FOXK2: variants seen among roughly 807,000 people sequenced by gnomAD.
The protein encoded by FOXK2 is forkhead box K2.
In FOXK2, 24 loss-of-function variants were observed where a neutral mutation model predicts 53.3. The observed-to-expected ratio is 0.45, with a 90% CI of 0.33 to 0.63. The LOEUF (loss-of-function observed/expected upper bound fraction) is 0.63, where lower values mean the gene tolerates loss of function less well. Among genes scored for constraint, FOXK2 ranks in the 30% least tolerant of loss-of-function variants. The pLI, the probability that FOXK2 is intolerant of heterozygous loss-of-function variation, is 0.03. For missense variants in FOXK2, 952 were observed against 910.5 expected, an observed-to-expected ratio of 1.05 and a Z score of -0.59; for synonymous variants, 505 against 407.1, an observed-to-expected ratio of 1.24 and a Z score of -2.89.
chr17:82,551,209 C>T lies in FOXK2; in HGVS notation c.420-12145C>T, dbSNP rs192836476. Among the ~76,000 whole-genome samples the T allele has an allele frequency of 7.3e-3, 1,114 of 151,742 alleles. 9 individuals carry two copies. Among genetic ancestry groups the T allele is most frequent in the African/African-American group, 0.026 (1,063 of 41,350 alleles). ...GCGGGCACCTGTAGTCCTAGCTACT[C>T]GGGAGGCTGAGGCAGGAGAATGGCG... On this transcript the variant is annotated intron_variant, in intron 1 of 8. Coordinates refer to ENST00000335255, the MANE Select transcript of FOXK2 (RefSeq NM_004514.4).
At position 82,583,126 on chromosome 17, in the gene FOXK2, C is replaced by T. The variant is rs942134449; in HGVS notation, c.1103+192C>T. On this transcript the variant is annotated intron_variant, in intron 5 of 8. Coordinates refer to ENST00000335255, the MANE Select transcript of FOXK2 (RefSeq NM_004514.4). The stretch of plus-strand genomic sequence containing the variant: ...GTTCTAGTGGCTGAAACATTTGAGA[C>T]GATTTGCAAAGTTTAAACTGCACTC... Among the ~76,000 whole-genome samples, 15 of 152,328 alleles carry T rather than the reference C, an allele frequency of 9.8e-5. No homozygotes were observed. In the East Asian group the frequency reaches 1.5e-3, roughly 16 times the overall value.
chr17:82,571,024 T>C (rs2044911461), intron 3 of FOXK2, among the ~76,000 whole-genome samples: 1 of 151,996 alleles, frequency 6.6e-6, no homozygotes, highest in Non-Finnish European at 1.5e-5. Flanking sequence ...TCCCAGGGGC[T>C]CTGGGCAGCC....
chr17:82,575,068 C>T (rs1184655799), intron 4 of FOXK2, among the ~76,000 whole-genome samples: 1 of 152,212 alleles, frequency 6.6e-6, no homozygotes, highest in East Asian at 1.9e-4. Context: ...CAAAGGGACA[C>T]ACTGGGCATT....
intron 1 of FOXK2, among the ~76,000 whole-genome samples, chr17:82,520,811 A>C (rs1441757794): frequency 6.6e-6 from 1 of 152,198 alleles, no homozygotes; most frequent in Non-Finnish European, 1.5e-5. Context: ...TTAAGCAGGA[A>C]GGACTCCTTT....
chr17:82,564,271 T>G (rs918412783), intron 2 of FOXK2, among the ~76,000 whole-genome samples: 5 of 152,028 alleles, frequency 3.3e-5, no homozygotes, highest in African/African-American at 9.7e-5. Flanking sequence ...GTATTTTTAG[T>G]AGAGACGGGA....
intron 1 of FOXK2, among the ~76,000 whole-genome samples, chr17:82,550,421 C>T (rs1222311465): frequency 6.6e-6 from 1 of 151,382 alleles, no homozygotes; most frequent in Non-Finnish European, 1.5e-5. Context: ...TACAGAACAC[C>T]AATTTAAAGA....
intron 1 of FOXK2, among the ~76,000 whole-genome samples, chr17:82,521,281 T>A (rs2044359089): frequency 6.6e-6 from 1 of 152,172 alleles, no homozygotes; most frequent in South Asian, 2.1e-4. Context: ...CAAGTGGTTC[T>A]CCTGCCCCAG....
Position 82,587,082 on chromosome 17 carries a change from C to T in FOXK2, c.1596C>T (p.Pro532=), listed in dbSNP as rs767970207. 80 of 1,612,914 alleles carry T rather than the reference C, an allele frequency of 5.0e-5. No individual in the cohort carries two copies. The highest frequency in any genetic ancestry group is 1.2e-4 in the South Asian group (11 of 91,078). ...TTTCAGTGAAAGTAGAGCCTATTCC[C>T]GCCATTGGCCACGCCACGCTCGGCA... ...REVKVKVEPI[P]AIGHATLGTA... Residue 532 remains proline (P), a synonymous_variant, in exon 8 of 9, where the codon CCC becomes CCT. Transcript: ENST00000335255.
Position 82,586,072 on chromosome 17 carries a change from C to T in FOXK2, c.1448C>T (p.Thr483Ile). 6.2e-7 allele frequency: 1 copy of T among 1,612,800 alleles called. No individual in the cohort carries two copies. The highest frequency in any genetic ancestry group is 8.5e-7 in the Non-Finnish European group (1 of 1,179,976). The change falls in exon 7 of 9, where the codon ACC becomes ATC. Residue 483 changes from threonine (T) to isoleucine (I), a missense_variant. Physicochemically the swap from Thr to Ile is moderately conservative, Grantham distance 89 (BLOSUM62 -1). Transcript: ENST00000335255. Reference sequence around the variant, plus strand: ...CACCAGATCCCAGCGGTGTCGGTCACCAGTGTGGCCGGACTGGCCCCAGCG... The same window carrying T: ...CACCAGATCCCAGCGGTGTCGGTCATCAGTGTGGCCGGACTGGCCCCAGCG... The part of the protein sequence containing the change: ...VVHQIPAVSV[T>I]SVAGLAPANT...
chr17:82,556,385 A>C (rs1247440378), intron 1 of FOXK2, among the ~76,000 whole-genome samples: 2 of 152,072 alleles, frequency 1.3e-5, no homozygotes, highest in East Asian at 3.9e-4. Context: ...CGAAGGTTGC[A>C]GTGAGCCAAG....
intron 3 of FOXK2, among the ~76,000 whole-genome samples, chr17:82,568,404 G>A (rs1166067250): frequency 1.3e-5 from 2 of 152,240 alleles, no homozygotes; most frequent in Non-Finnish European, 2.9e-5. Context: ...GTCATTCAAC[G>A]CACATCTTAG....
chr17:82,586,771 G>T (rs536516252), intron 7 of FOXK2, among the ~76,000 whole-genome samples: 2 of 152,018 alleles, frequency 1.3e-5, no homozygotes, highest in African/African-American at 2.4e-5. Context: ...CATGGTGGCG[G>T]GTGCCTGTAA....
intron 1 of FOXK2, among the ~76,000 whole-genome samples, chr17:82,557,971 G>T (rs2044749969): frequency 2.0e-5 from 3 of 152,232 alleles, no homozygotes; most frequent in South Asian, 4.1e-4. Flanking sequence ...CATTTTAAAT[G>T]CCCTGTGCTC....
At chr17:82,552,382 C>G (rs1255499944) in intron 1 of FOXK2, among the ~76,000 whole-genome samples, 1 of 152,188 alleles carries the variant, frequency 6.6e-6, no homozygotes, top group Non-Finnish European at 1.5e-5. Flanking sequence ...GCATCCTCTT[C>G]TGTGCCTGCC....
intron 1 of FOXK2, among the ~76,000 whole-genome samples, chr17:82,528,219 G>A (rs1245889857): frequency 6.6e-6 from 1 of 152,198 alleles, no homozygotes; most frequent in Non-Finnish European, 1.5e-5. Context: ...GCACAGCTCT[G>A]TGCATGATTG....
chr17:82,561,762 A>AGG (rs2044796251), intron 1 of FOXK2, among the ~76,000 whole-genome samples: 1 of 152,090 alleles, frequency 6.6e-6, no homozygotes, highest in African/African-American at 2.4e-5. Context: ...CTGAAGCGGG[A>AGG]GGGCCATGGC....
rs914755366 is a variant in FOXK2, at chr17:82,587,206, A to C, written c.1720A>C (p.Thr574Pro). Reference protein sequence around the residue: ...PLGQHQLPIKTVTQNGTHVAS... With the variant: ...PLGQHQLPIKPVTQNGTHVAS... ...AGGTCAACACCAGCTACCAATAAAA[A>C]CTGTAACACAAAACGGCACTCACGT... Residue 574 changes from threonine to proline, a missense_variant, in exon 8 of 9, where the codon ACT becomes CCT. By Grantham distance (38) the Thr-to-Pro change is conservative. Around this residue, in one of 5 missense-constraint regions of FOXK2, gnomAD observed 551 missense variants for 385.1 expected, o/e 1.43. Coordinates refer to ENST00000335255, the MANE Select transcript of FOXK2 (RefSeq NM_004514.4). The C allele has an allele frequency of 1.2e-6, 2 of 1,612,924 alleles. No individual in the cohort carries two copies. Among genetic ancestry groups the C allele is most frequent in the African/African-American group, 1.3e-5 (1 of 74,908 alleles).
At chr17:82,558,457 G>A (rs1464860609) in intron 1 of FOXK2, among the ~76,000 whole-genome samples, 1 of 152,262 alleles carries the variant, frequency 6.6e-6, no homozygotes, top group Non-Finnish European at 1.5e-5. Flanking sequence ...CTACGGAGAA[G>A]TACGAGCTCA....
chr17:82,583,661 A>ACGC (rs2045094055), intron 5 of FOXK2, among the ~76,000 whole-genome samples: 2 of 151,708 alleles, frequency 1.3e-5, no homozygotes, highest in African/African-American at 2.4e-5. Context: ...TTTTAACAAA[A>ACGC]AAAAAAATGA....
Sources: gnomAD v4.1 joint callset for allele counts (sites outside exome capture counted in the v4.1 genomes callset) on GRCh38, gnomAD v4.1.1 for gene constraint, gnomAD v4.1.1 regional missense constraint, MANE v1.5 for transcripts, NCBI Gene and HGNC (gene_info 2026-07-23, HGNC 2026-07-21) for gene names.